Variants in RBFOX1 observed in about 807,000 individuals in gnomAD.
RBFOX1 encodes the protein RNA binding protein fox-1 homolog 1.
Under a neutral mutation model 57.7 loss-of-function variants are expected in RBFOX1, and 8 were observed. That is an observed-to-expected ratio of 0.14 (90% confidence interval 0.08 to 0.25). The LOEUF is 0.25. Among genes scored for constraint, RBFOX1 ranks in the 10% least tolerant of loss-of-function variants. The probability of loss-of-function intolerance (pLI) is 1.00; values close to 1 mark genes in which losing one functional copy is unlikely to be tolerated. For missense variants in RBFOX1, 611 were observed against 548.5 expected (o/e 1.11, Z -1.14); for synonymous variants, 326 against 222.4 (o/e 1.47, Z -4.15).
At chr16:6,533,206 C>T (rs924486693) in intron 2 of RBFOX1, among the ~76,000 whole-genome samples, 4 of 152,316 alleles carry the variant, frequency 2.6e-5, no homozygotes, top group Middle Eastern at 6.8e-3. Flanking sequence ...GTGGACAGAT[C>T]AACTATAGTG....
chr16:7,136,643 C>A (rs557755409), intron 4 of RBFOX1, among the ~76,000 whole-genome samples: 3 of 152,128 alleles, frequency 2.0e-5, no homozygotes, highest in African/African-American at 2.4e-5. Flanking sequence ...TCTTGAACTC[C>A]TGGCCTCAAA....
chr16:7,318,045 G>T (rs1296039919), intron 4 of RBFOX1, among the ~76,000 whole-genome samples: 1 of 151,986 alleles, frequency 6.6e-6, no homozygotes, highest in African/African-American at 2.4e-5. Flanking sequence ...AATGGTGGTG[G>T]TGGTGATTGT....
At chr16:6,801,035 C>A (rs750244490) in intron 3 of RBFOX1, among the ~76,000 whole-genome samples, 1 of 151,928 alleles carries the variant, frequency 6.6e-6, no homozygotes, top group African/African-American at 2.4e-5. Context: ...TTCAATGATA[C>A]TTAAACTTGA....
At chr16:6,084,521 G>A (rs2096058024) in intron 1 of RBFOX1, among the ~76,000 whole-genome samples, 1 of 152,088 alleles carries the variant, frequency 6.6e-6, no homozygotes, top group Non-Finnish European at 1.5e-5. Context: ...TGAGATTGCA[G>A]ACAAAAACCA....
intron 1 of RBFOX1, chr16:5,240,129 C>A: frequency 2.2e-6 from 3 of 1,381,210 alleles, no homozygotes; most frequent in South Asian, 1.2e-5. Flanking sequence ...GCGCGGGGGT[C>A]CGGGGGTGCC....
intron 3 of RBFOX1, among the ~76,000 whole-genome samples, chr16:6,697,950 C>A (rs1239721458): frequency 6.6e-6 from 1 of 152,112 alleles, no homozygotes. Flanking sequence ...ATTAAGGAAC[C>A]AACCAGAGAG....
At chr16:6,740,182 G>C (rs1302175885) in intron 3 of RBFOX1, among the ~76,000 whole-genome samples, 3 of 152,080 alleles carry the variant, frequency 2.0e-5, no homozygotes, top group Non-Finnish European at 4.4e-5. Context: ...GCTCACATTA[G>C]CTGATGCAGG....
chr16:6,149,962 G>T (rs141226624), intron 1 of RBFOX1, among the ~76,000 whole-genome samples: 55 of 152,322 alleles, frequency 3.6e-4, no homozygotes, highest in African/African-American at 1.3e-3. Context: ...AAGAAAATAT[G>T]CCAAACTCTT....
intron 1 of RBFOX1, among the ~76,000 whole-genome samples, chr16:6,244,702 A>T (rs929673193): frequency 6.6e-6 from 1 of 151,898 alleles, no homozygotes. Context: ...TAGAGACGGG[A>T]TTTCACCATG....
chr16:6,530,962 C>G (rs981661747), intron 2 of RBFOX1, among the ~76,000 whole-genome samples: 1 of 152,176 alleles, frequency 6.6e-6, no homozygotes, highest in African/African-American at 2.4e-5. Flanking sequence ...CCAGAAAAAC[C>G]CCAATCACCT....
intron 5 of RBFOX1, among the ~76,000 whole-genome samples, chr16:7,571,623 G>T (rs3785244): frequency 3.3e-5 from 5 of 152,020 alleles, no homozygotes; most frequent in East Asian, 3.9e-4. Context: ...AAATTCTGCC[G>T]CACAGATCCC....
intron 4 of RBFOX1, among the ~76,000 whole-genome samples, chr16:6,009,971 C>T (rs927078622): frequency 6.6e-6 from 1 of 152,176 alleles, no homozygotes; most frequent in Non-Finnish European, 1.5e-5. Context: ...TGGACAGCCA[C>T]AGCACATTTT....
At chr16:7,623,563 TGGTAACATGA>T (rs1427563136) in intron 10 of RBFOX1, among the ~76,000 whole-genome samples, 2 of 152,100 alleles carry the variant, frequency 1.3e-5, no homozygotes, top group African/African-American at 4.8e-5. Flanking sequence ...GGAGCTCAGG[TGGTAACATGA>T]AGTAACATGA....
chr16:6,122,032 C>T (rs942799450), intron 1 of RBFOX1, among the ~76,000 whole-genome samples: 3 of 152,022 alleles, frequency 2.0e-5, no homozygotes, highest in Admixed American at 6.6e-5. Flanking sequence ...CAGCCTCCTG[C>T]GTAGCTGGGA....
At chr16:7,038,791 G>T (rs1295954956) in intron 3 of RBFOX1, among the ~76,000 whole-genome samples, 1 of 152,118 alleles carries the variant, frequency 6.6e-6, no homozygotes, top group African/African-American at 2.4e-5. Flanking sequence ...TGGACCTGGG[G>T]GACTTCTTTT....
chr16:5,263,060 A>G (rs1173768652), intron 1 of RBFOX1, among the ~76,000 whole-genome samples: 2 of 148,060 alleles, frequency 1.4e-5, no homozygotes, highest in Non-Finnish European at 3.0e-5. Context: ...TTTGCTAACA[A>G]TGGCAGGGTG....
chr16:5,951,518 A>T (rs2059520383), intron 4 of RBFOX1, among the ~76,000 whole-genome samples: 1 of 152,088 alleles, frequency 6.6e-6, no homozygotes, highest in African/African-American at 2.4e-5. Context: ...TATGTATTAC[A>T]TTATGCATGT....
intron 4 of RBFOX1, among the ~76,000 whole-genome samples, chr16:7,211,778 CT>C (rs2091190189): frequency 6.6e-6 from 1 of 152,188 alleles, no homozygotes; most frequent in Non-Finnish European, 1.5e-5. Flanking sequence ...TTCAAGCCCC[CT>C]GTCTCTAGGT....
At chr16:6,342,186 A>T (rs896217729) in intron 2 of RBFOX1, among the ~76,000 whole-genome samples, 1 of 152,156 alleles carries the variant, frequency 6.6e-6, no homozygotes, top group Non-Finnish European at 1.5e-5. Flanking sequence ...CTCTGCTGCA[A>T]TGTGGGAATG....
Sources: allele counts gnomAD v4.1 joint callset (sites outside exome capture counted in the v4.1 genomes callset), GRCh38; gene constraint gnomAD v4.1.1; transcripts MANE v1.5; gene names NCBI Gene and HGNC (gene_info 2026-07-23, HGNC 2026-07-21).